The following SORCS3 variants were observed in gnomAD, a reference collection of about 807,000 sequenced individuals.
The protein encoded by SORCS3 is VPS10 domain-containing receptor SorCS3.
SORCS3 carries 57 observed loss-of-function variants against 146.3 expected under a neutral mutation model. That is an observed-to-expected ratio of 0.39 (90% CI 0.31 to 0.49). The LOEUF is 0.49. SORCS3 is among the 20% of genes least tolerant of loss of function. The probability of loss-of-function intolerance (pLI) is 0.92; values close to 1 mark genes in which losing one functional copy is unlikely to be tolerated. For synonymous variants in SORCS3, 653 were observed against 618.5 expected (o/e 1.06, Z -0.83); for missense variants, 1,341 against 1,575.5 (o/e 0.85, Z 2.52).
At chr10:104,869,191 TA>T (rs1176993170) in intron 2 of SORCS3, among the ~76,000 whole-genome samples, 1 of 151,972 alleles carries the variant, frequency 6.6e-6, no homozygotes, top group African/African-American at 2.4e-5. Context: ...ATATTACATA[TA>T]TTTATATGTA....
At chr10:104,816,880 C>G (rs2017803587) in intron 1 of SORCS3, among the ~76,000 whole-genome samples, 1 of 152,184 alleles carries the variant, frequency 6.6e-6, no homozygotes, top group Non-Finnish European at 1.5e-5. Context: ...TCTACTTGTT[C>G]CATCCTTCTC....
intron 13 of SORCS3, among the ~76,000 whole-genome samples, chr10:105,175,978 CAG>C: frequency 6.6e-6 from 1 of 151,586 alleles, no homozygotes; most frequent in South Asian, 2.1e-4. Context: ...TAGAGAGAGA[CAG>C]AGAGATAGAA....
intron 16 of SORCS3, among the ~76,000 whole-genome samples, chr10:105,204,933 A>G (rs1337843465): frequency 6.6e-6 from 1 of 152,186 alleles, no homozygotes; most frequent in Non-Finnish European, 1.5e-5. Flanking sequence ...CTGGTCTTTA[A>G]TGCTAATGCT....
In SORCS3 at chr10:105,161,032, C is replaced by T. The variant is rs192127267; in HGVS notation, c.1732+2038C>T. ...AATGGTAGTTGTTATTACCTGTGAC[C>T]AGCATATTGCTTCTAAATTAGTACT... On this transcript the variant is annotated intron_variant, in intron 11 of 26. Transcript: ENST00000369701. Among the ~76,000 whole-genome samples the T allele has an allele frequency of 2.6e-3, 392 of 152,290 alleles. 4 individuals carry two copies. The highest frequency in any genetic ancestry group is 6.0e-4 in the Non-Finnish European group (41 of 68,026).
intron 5 of SORCS3, among the ~76,000 whole-genome samples, chr10:105,060,861 C>A (rs188114759): frequency 2.0e-5 from 3 of 151,678 alleles, no homozygotes; most frequent in African/African-American, 7.3e-5. Flanking sequence ...CCCTTCAACC[C>A]GGGAGGCGGA....
chr10:104,788,738 T>C (rs2017465352), intron 1 of SORCS3, among the ~76,000 whole-genome samples: 1 of 152,186 alleles, frequency 6.6e-6, no homozygotes, highest in Non-Finnish European at 1.5e-5. Flanking sequence ...GAGCAAATTG[T>C]GGTTTGAATG....
At chr10:105,167,605 A>G (rs975459213) in intron 13 of SORCS3, among the ~76,000 whole-genome samples, 1 of 152,174 alleles carries the variant, frequency 6.6e-6, no homozygotes, top group Admixed American at 6.6e-5. Flanking sequence ...GACAGCAGGA[A>G]GGACCTGCAG....
chr10:104,856,003 G>T (rs1314046116), intron 2 of SORCS3, among the ~76,000 whole-genome samples: 1 of 152,136 alleles, frequency 6.6e-6, no homozygotes, highest in Non-Finnish European at 1.5e-5. Context: ...CTTAAGAAGT[G>T]CTGGGATTAC....
intron 3 of SORCS3, among the ~76,000 whole-genome samples, chr10:104,967,958 C>CCTTAT (rs2054835688): frequency 6.6e-6 from 1 of 152,076 alleles, no homozygotes; most frequent in Non-Finnish European, 1.5e-5. Flanking sequence ...CCATACCTGG[C>CCTTAT]CTTATCCTGG....
intron 4 of SORCS3, among the ~76,000 whole-genome samples, chr10:104,998,843 G>A (rs761412021): frequency 7.2e-5 from 11 of 152,048 alleles, no homozygotes; most frequent in Non-Finnish European, 1.0e-4. Flanking sequence ...ATCTTTACTC[G>A]TTAAGTCACA....
At chr10:105,012,814 C>T (rs2133682204) in intron 4 of SORCS3, among the ~76,000 whole-genome samples, 1 of 152,232 alleles carries the variant, frequency 6.6e-6, no homozygotes, top group Non-Finnish European at 1.5e-5. Flanking sequence ...TCAAAGCATC[C>T]AGAGAAGCAT....
chr10:105,053,890 A>G (rs1238478032), intron 5 of SORCS3, among the ~76,000 whole-genome samples: 1 of 152,088 alleles, frequency 6.6e-6, no homozygotes, highest in Non-Finnish European at 1.5e-5. Context: ...TGATTTTTTT[A>G]GGATAGACTA....
At chr10:104,863,378 C>T (rs2018426080) in intron 2 of SORCS3, among the ~76,000 whole-genome samples, 1 of 152,162 alleles carries the variant, frequency 6.6e-6, no homozygotes, top group Admixed American at 6.5e-5. Flanking sequence ...GGAATTTCTT[C>T]TTCTCTCCTC....
At chr10:105,047,680 G>A (rs1024326457) in intron 5 of SORCS3, among the ~76,000 whole-genome samples, 1 of 152,094 alleles carries the variant, frequency 6.6e-6, no homozygotes, top group East Asian at 1.9e-4. Context: ...CTGCTATGAT[G>A]CCTGGTTTAG....
chr10:105,229,573 C>G (rs2056755251), intron 20 of SORCS3, among the ~76,000 whole-genome samples: 1 of 152,104 alleles, frequency 6.6e-6, no homozygotes, highest in African/African-American at 2.4e-5. Flanking sequence ...GGCTTTGATT[C>G]TGGGTGCATG....
intron 7 of SORCS3, among the ~76,000 whole-genome samples, chr10:105,109,405 G>T (rs1443774367): frequency 6.6e-6 from 1 of 152,068 alleles, no homozygotes; most frequent in African/African-American, 2.4e-5. Flanking sequence ...ATTCTACTCT[G>T]CACTGTAATT....
chr10:104,696,335 GATATATGATATATATCAT>G (rs1272696842), intron 1 of SORCS3, among the ~76,000 whole-genome samples: 5 of 1,800 alleles, frequency 2.8e-3, no homozygotes, highest in African/African-American at 7.6e-3. Flanking sequence ...ATACACATAT[GATATATGATATATATCAT>G]ATATATATCA....
chr10:104,861,954 G>A (rs1019099567), intron 2 of SORCS3, among the ~76,000 whole-genome samples: 1 of 152,182 alleles, frequency 6.6e-6, no homozygotes, highest in African/African-American at 2.4e-5. Context: ...ATCTCCGCAT[G>A]TGTGCCTGTG....
At chr10:104,666,602 T>A (rs2015780293) in intron 1 of SORCS3, among the ~76,000 whole-genome samples, 1 of 152,078 alleles carries the variant, frequency 6.6e-6, no homozygotes, top group African/African-American at 2.4e-5. Context: ...ATGAGAGCTA[T>A]GCTGTATTTT....
Sources: gnomAD v4.1 joint callset for allele counts (sites outside exome capture counted in the v4.1 genomes callset) on GRCh38, gnomAD v4.1.1 for gene constraint, MANE v1.5 for transcripts, NCBI Gene and HGNC (gene_info 2026-07-23, HGNC 2026-07-21) for gene names.